The following PLEKHG2 variants were observed in gnomAD, a reference collection of about 807,000 sequenced individuals.
The protein encoded by PLEKHG2 is pleckstrin homology and RhoGEF domain containing G2.
A neutral mutation model predicts 104.4 loss-of-function variants in PLEKHG2; 71 were observed. The ratio of observed to expected loss-of-function variants is 0.68; its 90% CI spans 0.56 to 0.83. The LOEUF is 0.83. Ranked by LOEUF, PLEKHG2 falls within the 40% of genes least tolerant of loss-of-function variation. The pLI, the probability that PLEKHG2 is intolerant of heterozygous loss-of-function variation, is 0.00. For missense variants in PLEKHG2, 1,730 were observed against 1,809.4 expected (o/e 0.96, Z 0.80); for synonymous variants, 728 against 737.0 (o/e 0.99, Z 0.20).
At position 39,424,478 on chromosome 19, in the gene PLEKHG2, T is replaced by C; in HGVS notation, c.3345T>C (p.His1115=). 6.2e-7 allele frequency: 1 copy of C among 1,614,048 alleles called. No individual in the cohort carries two copies. Among genetic ancestry groups the C allele is most frequent in the Non-Finnish European group, 8.5e-7 (1 of 1,180,006 alleles). The change falls in exon 19 of 19, where the codon CAT becomes CAC. Residue 1115 remains histidine (H), a synonymous_variant. Transcript: ENST00000425673. ...QIPGTSPLPA[H]GSHLDHRIPA... ...CAGGTACCTCACCTTTGCCTGCACA[T>C]GGAAGCCACCTGGACCATCGGATCC...
At position 39,417,923 on chromosome 19, in the gene PLEKHG2, G is replaced by T; in HGVS notation, c.901G>T (p.Gly301Cys). Residue 301 changes from glycine (G) to cysteine (C), a missense_variant, in exon 9 of 19, where the codon GGT (glycine) becomes TGT (cysteine). By Grantham distance (159) the Gly-to-Cys change is radical. Transcript: ENST00000425673. ...ARLQEVQRRL[G>C]GWTGPELSAF... ...CCGGCAGGAAGTGCAGCGGCGGCTGGGTGGCTGGACCGGACCAGAGCTCAG... is the reference window on the plus strand; with the variant it reads ...CCGGCAGGAAGTGCAGCGGCGGCTGTGTGGCTGGACCGGACCAGAGCTCAG... 1 of 1,542,550 alleles carries T rather than the reference G, an allele frequency of 6.5e-7. No individual in the cohort carries two copies. Among genetic ancestry groups the T allele is most frequent in the Non-Finnish European group, 8.7e-7 (1 of 1,145,580 alleles).
In PLEKHG2 at chr19:39,412,994, C is replaced by G. The variant is rs1171869269; in HGVS notation, c.-441C>G. The G allele has an allele frequency of 2.0e-5, 3 of 152,250 alleles. No individual in the cohort carries two copies. Among genetic ancestry groups the G allele is most frequent in the Admixed American group, 6.5e-5 (1 of 15,272 alleles). 9.4% of individuals were successfully genotyped at this position (152,250 alleles called of 1,614,324 possible). A position where few individuals can be genotyped will look rare whatever the true frequency, so the allele number is the denominator to read the frequency against. On this transcript the variant is annotated 5_prime_UTR_variant, in exon 1 of 19. Coordinates refer to ENST00000425673, the MANE Select transcript of PLEKHG2 (RefSeq NM_022835.3). Reference sequence around the variant, plus strand: ...CCCCGCGTTGGAGGAACTTGAGATCCGGACTTCTAAGCGCCCCAACCAGTT... The same window carrying G: ...CCCCGCGTTGGAGGAACTTGAGATCGGGACTTCTAAGCGCCCCAACCAGTT...
intron 15 of PLEKHG2, 41 bp from the exon 16 acceptor site, chr19:39,421,242 T>A (rs760512609): frequency 1.9e-6 from 3 of 1,613,594 alleles, no homozygotes; most frequent in Admixed American, 3.3e-5. Context: ...TTCCCTTACA[T>A]CTCACTAATG....
chr19:39,425,368 TCCAGA>T lies in PLEKHG2; in HGVS notation c.*76_*80del. ...AGACCCTCAGAACTTGACCTGGAAG[TCCAGA>T]CACTGAACGCAGGCCTCAAAACTGC... On this transcript the variant is annotated 3_prime_UTR_variant, in exon 19 of 19. Transcript: ENST00000425673. 6.6e-7 allele frequency: 1 copy of T among 1,523,114 alleles called. No individual in the cohort carries two copies. Among genetic ancestry groups the T allele is most frequent in the Non-Finnish European group, 8.8e-7 (1 of 1,138,484 alleles). The allele number at this position is 1,523,114 out of a possible 1,614,324, so 94.3% of individuals were successfully genotyped here.
In PLEKHG2 at chr19:39,419,017, C is replaced by T. The variant is rs200390175; in HGVS notation, c.1263+14C>T. On this transcript the variant is annotated intron_variant, in intron 11 of 18. Coordinates refer to ENST00000425673, the MANE Select transcript of PLEKHG2 (RefSeq NM_022835.3). Reference sequence around the variant, plus strand: ...ATCCCTGCCAAGGTACAGCTCCTGCCGCAGCCGGGGGCCCTCTGAGTGCTG... The same window carrying T: ...ATCCCTGCCAAGGTACAGCTCCTGCTGCAGCCGGGGGCCCTCTGAGTGCTG... 251 of 1,602,574 alleles carry T rather than the reference C, an allele frequency of 1.6e-4. No individual in the cohort carries two copies. Among genetic ancestry groups the T allele is most frequent in the Middle Eastern group, 1.2e-3 (7 of 6,024 alleles).
At chr19:39,417,153 C>CT (rs111240744) in intron 7 of PLEKHG2, among the ~76,000 whole-genome samples, 153 bp downstream of exon 7, 12 of 149,602 alleles carry the variant, frequency 8.0e-5, no homozygotes, top group African/African-American at 9.8e-5. Flanking sequence ...ACAGCCCTAG[C>CT]TTTTTTTTTT....
Position 39,413,967 on chromosome 19 carries a change from A to T in PLEKHG2, c.-22-98A>T. 1 of 796,922 alleles carries T rather than the reference A, an allele frequency of 1.3e-6. No individual in the cohort carries two copies. Among genetic ancestry groups the T allele is most frequent in the South Asian group, 1.8e-5 (1 of 54,914 alleles). The allele number at this position is 796,922 out of a possible 1,614,324, so 49.4% of individuals were successfully genotyped here. On this transcript the variant is annotated intron_variant, in intron 1 of 18. Transcript: ENST00000425673. This position sits in a 1 kb window ranked among gnomAD's most constrained non-coding sequence, Gnocchi z 4.5. The stretch of plus-strand genomic sequence containing the variant: ...GTTACTCCCAGGGGCCCCTCCCTGG[A>T]TTTACACCACGCTCCTAATTCCCAG...
Position 39,426,463 on chromosome 19 carries a change from G to A in PLEKHG2, c.*1169G>A, listed in dbSNP as rs999555892. 26 of 152,354 alleles carry A rather than the reference G, an allele frequency of 1.7e-4. No individual in the cohort carries two copies. The highest frequency in any genetic ancestry group is 1.6e-3 in the Admixed American group (24 of 15,296). 9.4% of individuals were successfully genotyped at this position (152,354 alleles called of 1,614,324 possible). ...TCCAGCAGTGGTATGCCCAGTGAGAGGCACAATTTAAACGGTTTCTTTGGT... is the reference window on the plus strand; with the variant it reads ...TCCAGCAGTGGTATGCCCAGTGAGAAGCACAATTTAAACGGTTTCTTTGGT... On this transcript the variant is annotated 3_prime_UTR_variant, in exon 19 of 19. Transcript: ENST00000425673.
chr19:39,420,789 C>T lies in PLEKHG2; in HGVS notation c.1336C>T (p.Pro446Ser), dbSNP rs1328492603. ...TAAGCCTGTCCTAGAGCCCCTGACA[C>T]CCCCACTTGGGTCTCCTCGACCTCG... is the stretch of plus-strand genomic sequence containing the variant. ...KSKPVLEPLTPPLGSPRPRDA... is the reference protein window; with the variant it reads ...KSKPVLEPLTSPLGSPRPRDA... Residue 446 changes from proline (P) to serine (S), a missense_variant, in exon 13 of 19, where the codon CCC becomes TCC. Transcript: ENST00000425673. 2 of 1,614,062 alleles carry T rather than the reference C, an allele frequency of 1.2e-6. No individual in the cohort carries two copies. Among genetic ancestry groups the T allele is most frequent in the African/African-American group, 2.7e-5 (2 of 74,912 alleles).
chr19:39,425,412 C>T lies in PLEKHG2; in HGVS notation c.*118C>T, dbSNP rs1333179348. 6 of 1,432,390 alleles carry T rather than the reference C, an allele frequency of 4.2e-6. No individual in the cohort carries two copies. Among genetic ancestry groups the T allele is most frequent in the African/African-American group, 1.5e-5 (1 of 68,848 alleles). The allele number at this position is 1,432,390 out of a possible 1,614,324, so 88.7% of individuals were successfully genotyped here. A position where few individuals can be genotyped will look rare whatever the true frequency, so the allele number is the denominator to read the frequency against. The stretch of plus-strand genomic sequence containing the variant: ...CCTCAAAACTGCTGCGGCCTTCCAA[C>T]TCCTGGTATCTGCATCGGCGAATGG... On this transcript the variant is annotated 3_prime_UTR_variant, in exon 19 of 19. Coordinates refer to ENST00000425673, the MANE Select transcript of PLEKHG2 (RefSeq NM_022835.3).
In PLEKHG2 at chr19:39,412,789, C is replaced by G. The variant is rs2078541128; in HGVS notation, c.-646C>G. ...ACCGCATCCTGAGAGACCCCGAGGT[C>G]CAGACCCCGGCGCCCAGGCTGGAGG... On this transcript the variant is annotated 5_prime_UTR_variant, in exon 1 of 19. Coordinates refer to ENST00000425673, the MANE Select transcript of PLEKHG2 (RefSeq NM_022835.3). 1 of 152,174 alleles carries G rather than the reference C, an allele frequency of 6.6e-6. No homozygotes were observed. Among genetic ancestry groups the G allele is most frequent in the Non-Finnish European group, 1.5e-5 (1 of 68,044 alleles). 9.4% of individuals were successfully genotyped at this position (152,174 alleles called of 1,614,324 possible). A position where few individuals can be genotyped will look rare whatever the true frequency, so the allele number is the denominator to read the frequency against.
At position 39,416,862 on chromosome 19, in the gene PLEKHG2, G is replaced by A. The variant is rs2078613373; in HGVS notation, c.606G>A (p.Leu202=). The change falls in exon 7 of 19, where the codon CTG becomes CTA. Residue 202 remains leucine (L), a synonymous_variant. Transcript: ENST00000425673. The surrounding 1 kb of genome is among the most constrained non-coding windows in gnomAD (Gnocchi z 4.5). ...GCTGTGCCCCCAGCTCCCTGGCCCT[G>A]CTCCGGGAGCTGTCGTTGTCTCCGC... ...YCMNYPSSLA[L]LRELSLSPPA... The A allele has an allele frequency of 5.0e-6, 8 of 1,607,200 alleles. No individual in the cohort carries two copies. The highest frequency in any genetic ancestry group is 6.8e-6 in the Non-Finnish European group (8 of 1,177,182).
At chr19:39,418,440 G>T (rs772689805) in intron 9 of PLEKHG2, among the ~76,000 whole-genome samples, 9 of 152,042 alleles carry the variant, frequency 5.9e-5, no homozygotes, top group Non-Finnish European at 1.3e-4. Context: ...TTAGCTGGAC[G>T]TGGTGGCAAG....
Position 39,413,826 on chromosome 19 carries a change from C to T in PLEKHG2, c.-22-239C>T, listed in dbSNP as rs1369394158. 7.2e-6 allele frequency: 2 copies of T among 276,574 alleles called. No homozygotes were observed. The highest frequency in any genetic ancestry group is 2.2e-5 in the African/African-American group (1 of 45,294). The allele number at this position is 276,574 out of a possible 1,614,324, so 17.1% of individuals were successfully genotyped here. On this transcript the variant is annotated intron_variant, in intron 1 of 18. Transcript: ENST00000425673. The surrounding 1 kb of genome is among the most constrained non-coding windows in gnomAD (Gnocchi z 4.5). ...CCTCCGGCCCCAGACAAACGGGACTCGCAGCTTCTGCGCCTCCTGCTCCGC... is the reference window on the plus strand; with the variant it reads ...CCTCCGGCCCCAGACAAACGGGACTTGCAGCTTCTGCGCCTCCTGCTCCGC...
rs2078628495 is a variant in PLEKHG2 at position 39,417,680 on chromosome 19, A to G, written c.870A>G (p.Ala290=). ...INDMKRKQEH[A]ARLQEVQRRL... ...ACATGAAGCGCAAGCAGGAGCATGC[A>G]GCGCGCCTCCAGGTGGCCCCAGGGT... is the stretch of plus-strand genomic sequence containing the variant. Residue 290 remains alanine, a synonymous_variant, in exon 8 of 19, where the codon GCA becomes GCG. Transcript: ENST00000425673. 2 of 1,581,738 alleles carry G rather than the reference A, an allele frequency of 1.3e-6. No homozygotes were observed. Among genetic ancestry groups the G allele is most frequent in the Non-Finnish European group, 1.7e-6 (2 of 1,163,238 alleles).
At position 39,423,078 on chromosome 19, in the gene PLEKHG2, C is replaced by T. The variant is rs71356852; in HGVS notation, c.2024C>T (p.Pro675Leu). ...VFEMPCLPAI[P>L]SVPNTPSLSS... is the part of the protein sequence containing the mutation. ...GAGATGCCCTGCCTTCCAGCCATAC[C>T]TAGTGTCCCCAACACCCCCAGTCTG... Residue 675 changes from proline to leucine, a missense_variant, in exon 18 of 19, where the codon CCT becomes CTT. Transcript: ENST00000425673. 1.2e-6 allele frequency: 2 copies of T among 1,614,172 alleles called. 1 individual carries two copies. The highest frequency in any genetic ancestry group is 2.2e-5 in the South Asian group (2 of 91,086).
In PLEKHG2 at chr19:39,425,091, C is replaced by T. The variant is rs557254350; in HGVS notation, c.3958C>T (p.Pro1320Ser). ...TCCCACGTCACGGGCATCTTCGCCG[C>T]CCCCCCAGCCCCAGCCACCACCTCC... ...SAPTSRASSP[P>S]PQPQPPPPPA... The change falls in exon 19 of 19, where the codon CCC becomes TCC. Residue 1320 changes from proline to serine, a missense_variant. Physicochemically the swap from Pro to Ser is moderately conservative, Grantham distance 74 (BLOSUM62 -1). Coordinates refer to ENST00000425673, the MANE Select transcript of PLEKHG2 (RefSeq NM_022835.3). 346 of 1,580,826 alleles carry T rather than the reference C, an allele frequency of 2.2e-4. 1 individual carries two copies. The South Asian group carries it at 3.8e-3, about 17-fold the overall frequency.
chr19:39,416,891 C>T lies in PLEKHG2; in HGVS notation c.635C>T (p.Ala212Val), dbSNP rs747185927. ...CGGGAGCTGTCGTTGTCTCCGCCAGCAGCCCTGTGGCTGCAGGAGCGCCAG... is the reference window on the plus strand; with the variant it reads ...CGGGAGCTGTCGTTGTCTCCGCCAGTAGCCCTGTGGCTGCAGGAGCGCCAG... Reference protein sequence around the residue: ...LLRELSLSPPAALWLQERQAQ... With the variant: ...LLRELSLSPPVALWLQERQAQ... The change falls in exon 7 of 19, where the codon GCA becomes GTA. Residue 212 changes from alanine (A) to valine (V), a missense_variant. Transcript: ENST00000425673. This position sits in a 1 kb window ranked among gnomAD's most constrained non-coding sequence, Gnocchi z 4.5. The T allele has an allele frequency of 3.1e-6, 5 of 1,612,558 alleles. No individual in the cohort carries two copies. The South Asian group carries it at 4.4e-5, about 14-fold the overall frequency.
At position 39,423,026 on chromosome 19, in the gene PLEKHG2, A is replaced by C; in HGVS notation, c.1972A>C (p.Ser658Arg). Residue 658 changes from serine (S) to arginine (R), a missense_variant, in exon 18 of 19, where the codon AGT becomes CGT. Coordinates refer to ENST00000425673, the MANE Select transcript of PLEKHG2 (RefSeq NM_022835.3). ...AATTCCCGAAGGTTCTCGCCTTCCT[A>C]GTCTCTCTGACATTTCCGATGTTTT... ...CEIPEGSRLPSLSDISDVFEM... is the reference protein window; with the variant it reads ...CEIPEGSRLPRLSDISDVFEM... The C allele has an allele frequency of 1.2e-6, 2 of 1,614,086 alleles. No homozygotes were observed. Among genetic ancestry groups the C allele is most frequent in the Non-Finnish European group, 1.7e-6 (2 of 1,180,010 alleles).
Sources: gnomAD v4.1 joint callset for allele counts (sites outside exome capture counted in the v4.1 genomes callset) on GRCh38, gnomAD v4.1.1 for gene constraint, Gnocchi (gnomAD v3.1) non-coding constraint, MANE v1.5 for transcripts, NCBI Gene and HGNC (gene_info 2026-07-23, HGNC 2026-07-21) for gene names.